The following PTK2B variants were observed in gnomAD, a reference collection of about 807,000 sequenced individuals.
The protein encoded by PTK2B is protein tyrosine kinase 2 beta, also known as protein-tyrosine kinase 2-beta.
A neutral mutation model predicts 142.9 loss-of-function variants in PTK2B; 71 were observed. The observed-to-expected ratio is 0.50, with a 90% CI of 0.41 to 0.61. PTK2B has a LOEUF of 0.61. PTK2B is among the 20% of genes least tolerant of loss of function. PTK2B has a pLI of 0.00. For synonymous variants in PTK2B, 519 were observed against 503.4 expected, an observed-to-expected ratio of 1.03 and a Z score of -0.42; for missense variants, 1,105 against 1,320.4, an observed-to-expected ratio of 0.84 and a Z score of 2.53.
upstream of PTK2B, chr8:27,311,215 C>T (rs1227791420): frequency 6.4e-7 from 1 of 1,570,754 alleles, no homozygotes; most frequent in Non-Finnish European, 8.7e-7. Context: ...GCCCGGGGGA[C>T]ACGTCGGGAC....
upstream of PTK2B, among the ~76,000 whole-genome samples, chr8:27,323,022 C>T (rs768666252): frequency 6.6e-6 from 1 of 152,244 alleles, no homozygotes; most frequent in Non-Finnish European, 1.5e-5. Flanking sequence ...TTTATCCATT[C>T]TTGTGGTTTC....
chr8:27,320,159 G>A (rs149464392), intron 3 of PTK2B, among the ~76,000 whole-genome samples: 1 of 152,222 alleles, frequency 6.6e-6, no homozygotes, highest in Non-Finnish European at 1.5e-5. Context: ...TAGGAAGCAC[G>A]TAGGGACTCT....
At chr8:27,407,513 C>T (rs1263466156) in intron 2 of PTK2B, among the ~76,000 whole-genome samples, 1 of 152,148 alleles carries the variant, frequency 6.6e-6, no homozygotes. Context: ...GGTGCTGGCT[C>T]CAGCTCACAA....
At chr8:27,339,943 G>A (rs553791598) in intron 1 of PTK2B, among the ~76,000 whole-genome samples, 5 of 152,314 alleles carry the variant, frequency 3.3e-5, no homozygotes, top group Admixed American at 6.5e-5. Flanking sequence ...TGTGCCTGTC[G>A]GTCAGGACGG....
chr8:27,390,999 G>A (rs1244815612), intron 1 of PTK2B, among the ~76,000 whole-genome samples: 1 of 152,028 alleles, frequency 6.6e-6, no homozygotes, highest in African/African-American at 2.4e-5. Flanking sequence ...TGAGTTAAAT[G>A]TACGCGCCTT....
In PTK2B at chr8:27,386,921, C is replaced by T. The variant is rs545526321; in HGVS notation, c.-37-10627C>T. Reference sequence around the variant, plus strand: ...CACCTACTTTTTTTTCTGTTTATTACATGTATCATAAAATATACCTTAATC... The same window carrying T: ...CACCTACTTTTTTTTCTGTTTATTATATGTATCATAAAATATACCTTAATC... On this transcript the variant is annotated intron_variant, in intron 1 of 30. Transcript: ENST00000346049. 6.6e-5 allele frequency among the ~76,000 whole-genome samples: 10 copies of T among 150,682 alleles called. No individual in the cohort carries two copies. The South Asian group carries it at 2.1e-3, about 32-fold the overall frequency.
intron 5 of PTK2B, among the ~76,000 whole-genome samples, chr8:27,425,278 T>C (rs1274328960): frequency 1.3e-5 from 2 of 151,872 alleles, no homozygotes; most frequent in Admixed American, 1.3e-4. Context: ...TGGTATTGCA[T>C]GCTATACAAT....
chr8:27,454,846 G>A (rs902521939), intron 30 of PTK2B, among the ~76,000 whole-genome samples: 5 of 152,280 alleles, frequency 3.3e-5, no homozygotes, highest in Non-Finnish European at 5.9e-5. Flanking sequence ...TGACGGCAGT[G>A]AATTCTTTCT....
chr8:27,333,307 C>T (rs184144089), intron 1 of PTK2B, among the ~76,000 whole-genome samples: 1 of 152,274 alleles, frequency 6.6e-6, no homozygotes, highest in East Asian at 1.9e-4. Flanking sequence ...TGGGAGTTAT[C>T]CTGGAAGTCC....
intron 20 of PTK2B, 111 bp from the exon 21 acceptor site, chr8:27,440,126 G>A (rs2132229648): frequency 9.1e-7 from 1 of 1,103,474 alleles, no homozygotes; most frequent in Non-Finnish European, 1.3e-6. Flanking sequence ...AGGAGGAGGA[G>A]GGACCGCAGG....
At position 27,440,448 on chromosome 8, in the gene PTK2B, A is replaced by G. The variant is rs1811090401; in HGVS notation, c.2039+7A>G. On this transcript the variant is annotated splice_region_variant and intron_variant, in intron 21 of 30. Coordinates refer to ENST00000346049, the MANE Select transcript of PTK2B (RefSeq NM_173176.3). The stretch of plus-strand genomic sequence containing the variant: ...AGCTGGTGTGCAGCCTCAGGTGAGC[A>G]TGGAGTGTGGGCTGTGGGCTGGGGG... 1.9e-6 allele frequency: 3 copies of G among 1,613,076 alleles called. No individual in the cohort carries two copies. The highest frequency in any genetic ancestry group is 2.2e-5 in the East Asian group (1 of 44,878).
chr8:27,390,527 G>C (rs1351615848), intron 1 of PTK2B, among the ~76,000 whole-genome samples: 1 of 152,078 alleles, frequency 6.6e-6, no homozygotes, highest in Non-Finnish European at 1.5e-5. Context: ...TGTAGTCCCA[G>C]CTACTTGGGA....
At chr8:27,316,905 C>T (rs1466214409) in intron 3 of PTK2B, among the ~76,000 whole-genome samples, 1 of 152,148 alleles carries the variant, frequency 6.6e-6, no homozygotes, top group Non-Finnish European at 1.5e-5. Context: ...ATCTTTTAAG[C>T]TACATATAGA....
chr8:27,444,647 C>A (rs1586344007), intron 23 of PTK2B, among the ~76,000 whole-genome samples: 1 of 152,190 alleles, frequency 6.6e-6, no homozygotes, highest in African/African-American at 2.4e-5. Context: ...AGGCCCCATC[C>A]AGAACCTGGG....
chr8:27,350,990 A>AAAAAAAAAAATAT (rs1554483396), intron 1 of PTK2B, among the ~76,000 whole-genome samples: 1 of 12,090 alleles, frequency 8.3e-5, no homozygotes, highest in African/African-American at 3.2e-4. Context: ...AAAAAAAAAA[A>AAAAAAAAAAATAT]ATATATATAT....
intron 30 of PTK2B, among the ~76,000 whole-genome samples, chr8:27,456,357 A>G (rs1405763893): frequency 6.6e-6 from 1 of 152,116 alleles, no homozygotes; most frequent in African/African-American, 2.4e-5. Context: ...AAACTTTTTC[A>G]TTATGATTAT....
chr8:27,434,371 C>A, intron 12 of PTK2B, 142 bp from the exon 13 acceptor site: 1 of 1,086,924 alleles, frequency 9.2e-7, no homozygotes, highest in Non-Finnish European at 1.3e-6. Context: ...CCCCAGCAGC[C>A]TGGGCTGTGC....
intron 2 of PTK2B, among the ~76,000 whole-genome samples, chr8:27,403,367 T>C (rs925375236): frequency 1.3e-5 from 2 of 152,328 alleles, no homozygotes; most frequent in East Asian, 1.9e-4. Context: ...ATTTGCTGAT[T>C]TCATGTTTTG....
At position 27,311,483 on chromosome 8, in the gene PTK2B, C is replaced by T. The variant is rs375302108; in HGVS notation, c.-807C>T. ...GAGAGCGGGGTGGGCCTTCTGCCCGCAGTTCCCGCCTCCTCAGGTCCGGGC... is the reference window on the plus strand; with the variant it reads ...GAGAGCGGGGTGGGCCTTCTGCCCGTAGTTCCCGCCTCCTCAGGTCCGGGC... On this transcript the variant is annotated 5_prime_UTR_variant, in exon 1 of 36. Coordinates refer to the PTK2B transcript ENST00000397501. 280 of 558,812 alleles carry T rather than the reference C, an allele frequency of 5.0e-4. 1 individual carries two copies. Among genetic ancestry groups the T allele is most frequent in the African/African-American group, 3.3e-3 (166 of 50,446 alleles). The allele number at this position is 558,812 out of a possible 1,614,324, so 34.6% of individuals were successfully genotyped here. A position where few individuals can be genotyped will look rare whatever the true frequency, so the allele number is the denominator to read the frequency against.
Sources: gnomAD v4.1 joint callset for allele counts (sites outside exome capture counted in the v4.1 genomes callset) on GRCh38, gnomAD v4.1.1 for gene constraint, MANE v1.5 for transcripts, NCBI Gene and HGNC (gene_info 2026-07-23, HGNC 2026-07-21) for gene names.